SLC44A5: variants seen among roughly 807,000 people sequenced by gnomAD.
SLC44A5 encodes solute carrier family 44 member 5.
A neutral mutation model predicts 101.8 loss-of-function variants in SLC44A5; 57 were observed. That is an observed-to-expected ratio of 0.56 (90% confidence interval 0.45 to 0.70). The LOEUF (loss-of-function observed/expected upper bound fraction) is 0.70, where lower values mean the gene tolerates loss of function less well. Among genes scored for constraint, SLC44A5 ranks in the 30% least tolerant of loss-of-function variants. The pLI, the probability that SLC44A5 is intolerant of heterozygous loss-of-function variation, is 0.00. For missense variants in SLC44A5, 737 were observed against 853.1 expected (o/e 0.86, Z 1.70); for synonymous variants, 281 against 290.9 (o/e 0.97, Z 0.35).
At chr1:75,476,391 C>A (rs921511494) in intron 2 of SLC44A5, among the ~76,000 whole-genome samples, 1 of 152,142 alleles carries the variant, frequency 6.6e-6, no homozygotes, top group South Asian at 2.1e-4. Flanking sequence ...GAGTGCCAGA[C>A]AGTGGGCGCA....
At chr1:75,648,888 T>C in the SLC44A5 span, among the ~76,000 whole-genome samples, 1 of 152,224 alleles carries the variant, frequency 6.6e-6, no homozygotes, top group Non-Finnish European at 1.5e-5. Context: ...ATGGGAATTA[T>C]GGATATTTTA....
chr1:75,558,638 C>T (rs1055623165), intron 1 of SLC44A5, among the ~76,000 whole-genome samples: 1 of 152,062 alleles, frequency 6.6e-6, no homozygotes, highest in Non-Finnish European at 1.5e-5. Context: ...TACAGAACTA[C>T]AGGAAATGAA....
the SLC44A5 span, among the ~76,000 whole-genome samples, chr1:75,666,240 T>C: frequency 6.6e-6 from 1 of 151,982 alleles, no homozygotes; most frequent in African/African-American, 2.4e-5. Flanking sequence ...CCATGGTGGA[T>C]TGCATAAAAA....
chr1:75,373,401 C>T (rs1394538583), intron 3 of SLC44A5, among the ~76,000 whole-genome samples: 1 of 152,030 alleles, frequency 6.6e-6, no homozygotes, highest in African/African-American at 2.4e-5. Flanking sequence ...CCTCTGGGAT[C>T]CTAGAGACAA....
intron 4 of SLC44A5, among the ~76,000 whole-genome samples, chr1:75,322,760 AC>A (rs763685552): frequency 3.9e-5 from 6 of 152,162 alleles, no homozygotes; most frequent in African/African-American, 7.2e-5. Flanking sequence ...GGACAGATGT[AC>A]TTGAAAATGA....
intron 2 of SLC44A5, among the ~76,000 whole-genome samples, chr1:75,507,401 CGTG>C (rs1669327541): frequency 6.6e-6 from 1 of 152,100 alleles, no homozygotes; most frequent in African/African-American, 2.4e-5. Flanking sequence ...ATGAAGCCTA[CGTG>C]ATCGTGACAA....
intron 3 of SLC44A5, among the ~76,000 whole-genome samples, chr1:75,349,058 A>G (rs1658450495): frequency 6.6e-6 from 1 of 152,222 alleles, no homozygotes; most frequent in Non-Finnish European, 1.5e-5. Flanking sequence ...ATATTAAAAA[A>G]TAATTGCTGG....
At chr1:75,314,853 A>T (rs1167635224) in intron 4 of SLC44A5, among the ~76,000 whole-genome samples, 3 of 152,162 alleles carry the variant, frequency 2.0e-5, no homozygotes. Context: ...TTCCTAGAAG[A>T]ATAAAGTATT....
chr1:75,613,937 C>G (rs577626311), upstream of SLC44A5, among the ~76,000 whole-genome samples: 3 of 152,154 alleles, frequency 2.0e-5, no homozygotes, highest in East Asian at 1.9e-4. Context: ...GTGCTTCTGC[C>G]AAGATTATTA....
chr1:75,547,090 C>G (rs943980503), intron 1 of SLC44A5, among the ~76,000 whole-genome samples: 1 of 152,088 alleles, frequency 6.6e-6, no homozygotes, highest in African/African-American at 2.4e-5. Flanking sequence ...CAGCAGTTTA[C>G]AAATGGATAA....
At chr1:75,410,753 G>C (rs1390840907) in intron 2 of SLC44A5, among the ~76,000 whole-genome samples, 1 of 152,076 alleles carries the variant, frequency 6.6e-6, no homozygotes, top group Admixed American at 6.6e-5. Context: ...GCTTTGTTTT[G>C]GGGGAGGGAG....
chr1:75,449,476 C>A (rs1192805157), intron 2 of SLC44A5, among the ~76,000 whole-genome samples: 3 of 152,130 alleles, frequency 2.0e-5, no homozygotes, highest in Non-Finnish European at 4.4e-5. Context: ...TGTGGCTCCC[C>A]TTTTTGCCCC....
In SLC44A5 at chr1:75,412,512, C is replaced by A. The variant is rs1217772089; in HGVS notation, c.14-15891G>T. ...AAAATTTGCATTTGGAGTAAAATTT[C>A]TTTCCTATAACTACAATAGAGGTCT... is the stretch of plus-strand genomic sequence containing the variant. On this transcript the variant is annotated intron_variant, in intron 2 of 23. Transcript: ENST00000370859. Among the ~76,000 whole-genome samples the A allele has an allele frequency of 5.9e-5, 9 of 152,216 alleles. No homozygotes were observed. In the East Asian group the frequency reaches 9.6e-4, roughly 16 times the overall value.
chr1:75,550,404 G>A (rs1671873800), intron 1 of SLC44A5, among the ~76,000 whole-genome samples: 2 of 152,088 alleles, frequency 1.3e-5, no homozygotes, highest in Non-Finnish European at 2.9e-5. Context: ...GGCATGGGAT[G>A]TGACTGCTTA....
At chr1:75,360,135 T>C (rs866661599) in intron 3 of SLC44A5, among the ~76,000 whole-genome samples, 2 of 152,186 alleles carry the variant, frequency 1.3e-5, no homozygotes, top group African/African-American at 4.8e-5. Flanking sequence ...TTTCACTTTG[T>C]TAATTACTTC....
intron 13 of SLC44A5, among the ~76,000 whole-genome samples, chr1:75,226,613 A>C (rs1258233905): frequency 6.6e-6 from 1 of 152,106 alleles, no homozygotes; most frequent in Non-Finnish European, 1.5e-5. Context: ...CATGCCTGTA[A>C]TCATGATGCC....
the SLC44A5 span, among the ~76,000 whole-genome samples, chr1:75,704,838 A>G: frequency 6.6e-6 from 1 of 152,018 alleles, no homozygotes; most frequent in African/African-American, 2.4e-5. Flanking sequence ...ATAGTCGGGG[A>G]TCTCCAGCAC....
intron 2 of SLC44A5, among the ~76,000 whole-genome samples, chr1:75,452,419 C>A (rs1116877): frequency 0.34 from 51,202 of 151,880 alleles, 8,697 homozygotes; most frequent in Middle Eastern, 0.4. Context: ...ATGGAAATGA[C>A]AGAATGATAC....
chr1:75,289,121 G>A (rs1457149249), intron 5 of SLC44A5, among the ~76,000 whole-genome samples: 1 of 152,142 alleles, frequency 6.6e-6, no homozygotes, highest in Non-Finnish European at 1.5e-5. Flanking sequence ...TTAAAGATAA[G>A]TTACTGCGTC....
Sources: allele counts gnomAD v4.1 joint callset (sites outside exome capture counted in the v4.1 genomes callset), GRCh38; gene constraint gnomAD v4.1.1; transcripts MANE v1.5; gene names NCBI Gene and HGNC (gene_info 2026-07-23, HGNC 2026-07-21).